Variants in RALGPS1 observed in about 807,000 individuals in gnomAD.
RALGPS1 encodes Ral GEF with PH domain and SH3 binding motif 1, also known as ras-specific guanine nucleotide-releasing factor RalGPS1.
A neutral mutation model predicts 78.8 loss-of-function variants in RALGPS1; 19 were observed. The ratio of observed to expected loss-of-function variants is 0.24; its 90% confidence interval spans 0.17 to 0.35. RALGPS1 has a LOEUF of 0.35. RALGPS1 is among the 10% of genes least tolerant of loss of function. RALGPS1 has a pLI of 1.00. For synonymous variants in RALGPS1, 228 were observed against 256.3 expected, an observed-to-expected ratio of 0.89 and a Z score of 1.06; for missense variants, 454 against 688.3, an observed-to-expected ratio of 0.66 and a Z score of 3.81.
intron 8 of RALGPS1, chr9:127,107,947 G>T (rs1387878578): frequency 2.6e-6 from 4 of 1,545,152 alleles, no homozygotes; most frequent in Non-Finnish European, 3.5e-6. Flanking sequence ...TGGGAGGCTG[G>T]TGAGAGTGGG....
At chr9:127,090,769 C>T (rs565088915) in intron 8 of RALGPS1, among the ~76,000 whole-genome samples, 2 of 152,310 alleles carry the variant, frequency 1.3e-5, no homozygotes, top group Admixed American at 6.5e-5. Context: ...GAGGCAGCAT[C>T]GGCCGTCAGG....
chr9:126,999,841 A>G (rs1588937001), intron 4 of RALGPS1, among the ~76,000 whole-genome samples: 1 of 152,248 alleles, frequency 6.6e-6, no homozygotes, highest in African/African-American at 2.4e-5. Flanking sequence ...GTAAATACCA[A>G]TGAGAGTGAT....
chr9:127,100,634 C>A (rs994852418), intron 8 of RALGPS1, among the ~76,000 whole-genome samples: 6 of 152,154 alleles, frequency 3.9e-5, no homozygotes, highest in Admixed American at 6.5e-5. Context: ...TAGAGGTGGG[C>A]AGTGCCCCAG....
At chr9:127,176,096 C>T (rs2059855958) in intron 11 of RALGPS1, among the ~76,000 whole-genome samples, 2 of 152,160 alleles carry the variant, frequency 1.3e-5, no homozygotes, top group African/African-American at 4.8e-5. Flanking sequence ...CTGGGGGCCT[C>T]TGATATCTTA....
At chr9:127,186,064 C>T (rs1402472013) in intron 11 of RALGPS1, among the ~76,000 whole-genome samples, 1 of 152,184 alleles carries the variant, frequency 6.6e-6, no homozygotes, top group Non-Finnish European at 1.5e-5. Flanking sequence ...TCATCCTGTC[C>T]ACTCCAAGGC....
At chr9:127,033,590 G>A (rs2046609722) in intron 4 of RALGPS1, among the ~76,000 whole-genome samples, 1 of 152,206 alleles carries the variant, frequency 6.6e-6, no homozygotes, top group Non-Finnish European at 1.5e-5. Flanking sequence ...TATAGGTGGA[G>A]AATTTCAGAA....
intron 14 of RALGPS1, chr9:127,210,813 CAT>C (rs752918025): frequency 1.3e-5 from 20 of 1,512,906 alleles, no homozygotes; most frequent in Non-Finnish European, 1.6e-5. Flanking sequence ...TTGTTTGACA[CAT>C]AGCTTGTTAT....
intron 4 of RALGPS1, among the ~76,000 whole-genome samples, chr9:127,010,159 C>T (rs770647793): frequency 3.3e-5 from 5 of 152,138 alleles, no homozygotes; most frequent in African/African-American, 1.2e-4. Context: ...GCCATCCTCA[C>T]GGGGCGGTGT....
chr9:126,987,080 C>T (rs2133064776), intron 4 of RALGPS1, among the ~76,000 whole-genome samples: 1 of 152,234 alleles, frequency 6.6e-6, no homozygotes, highest in Non-Finnish European at 1.5e-5. Context: ...TCAGATGATG[C>T]CTGTGCCGGA....
At chr9:127,005,619 AG>A (rs1564403375) in intron 4 of RALGPS1, among the ~76,000 whole-genome samples, 2 of 152,148 alleles carry the variant, frequency 1.3e-5, no homozygotes, top group African/African-American at 4.8e-5. Context: ...TCGACTACAC[AG>A]GAGTTCACTG....
chr9:127,222,563 G>GC lies in RALGPS1; in HGVS notation c.*3795dup, dbSNP rs1361067060. On this transcript the variant is annotated 3_prime_UTR_variant, in exon 19 of 19. Transcript: ENST00000259351. ...TGTACCATGGACTTCAGACCGCCTTGCAGCCGTATGCTGCACAAGCGTGTA... is the reference window on the plus strand; with the variant it reads ...TGTACCATGGACTTCAGACCGCCTTGCCAGCCGTATGCTGCACAAGCGTGTA... 3 of 152,364 alleles carry GC rather than the reference G, an allele frequency of 2.0e-5. No individual in the cohort carries two copies. Among genetic ancestry groups the GC allele is most frequent in the Admixed American group, 2.0e-4 (3 of 15,288 alleles). The allele number at this position is 152,364 out of a possible 1,614,324, so 9.4% of individuals were successfully genotyped here.
chr9:127,127,619 C>G (rs2056713373), intron 8 of RALGPS1, among the ~76,000 whole-genome samples: 1 of 152,194 alleles, frequency 6.6e-6, no homozygotes, highest in South Asian at 2.1e-4. Context: ...GTACTGTCCT[C>G]ACAAGCCCTG....
intron 8 of RALGPS1, chr9:127,107,970 A>T (rs1283778989): frequency 2.7e-5 from 43 of 1,569,510 alleles, no homozygotes; most frequent in Non-Finnish European, 3.5e-5. Flanking sequence ...TAGTGGGCAG[A>T]GGGGGTGGCA....
chr9:127,124,257 C>T (rs1029659892), intron 8 of RALGPS1, among the ~76,000 whole-genome samples: 3 of 152,234 alleles, frequency 2.0e-5, no homozygotes, highest in African/African-American at 7.2e-5. Flanking sequence ...AGCGCAGTCT[C>T]TACCCTGTTC....
chr9:126,963,802 G>A (rs1024324676), intron 2 of RALGPS1, among the ~76,000 whole-genome samples: 7 of 152,130 alleles, frequency 4.6e-5, no homozygotes, highest in Admixed American at 2.0e-4. Context: ...CTCTCGAGCC[G>A]GTGCTCCTAA....
chr9:127,061,073 A>G lies in RALGPS1; in HGVS notation c.483+8134A>G, dbSNP rs552140336. Among the ~76,000 whole-genome samples, 6 of 152,348 alleles carry G rather than the reference A, an allele frequency of 3.9e-5. No homozygotes were observed. The East Asian group carries it at 5.8e-4, about 15-fold the overall frequency. The stretch of plus-strand genomic sequence containing the variant: ...GTGTTTCTGAGAGAGACTTGCATCT[A>G]GGGATGTGGCACATGATGAAAGCTG... On this transcript the variant is annotated intron_variant, in intron 7 of 18. Transcript: ENST00000259351.
In RALGPS1 at chr9:127,052,836, C is replaced by A. The variant is rs766221601; in HGVS notation, c.391-11C>A. ...AGCAGCAAAATAATCTATTCCATAT[C>A]TTTTTTTCAGAAACTTCTAGAACTC... is the stretch of plus-strand genomic sequence containing the variant. On this transcript the variant is annotated splice_polypyrimidine_tract_variant and intron_variant, in intron 6 of 18. Coordinates refer to ENST00000259351, the MANE Select transcript of RALGPS1 (RefSeq NM_014636.3). 3.8e-5 allele frequency: 59 copies of A among 1,557,600 alleles called. No homozygotes were observed. Among genetic ancestry groups the A allele is most frequent in the Non-Finnish European group, 4.7e-5 (53 of 1,129,458 alleles).
At position 127,211,235 on chromosome 9, in the gene RALGPS1, G is replaced by A. The variant is rs1056332697; in HGVS notation, c.1248-896G>A. ...GAATGGTGGCTCAGATCTTAAAAGC[G>A]ACAGGAAGCCATGAAAGGGGCTTGC... On this transcript the variant is annotated intron_variant, in intron 14 of 18. Transcript: ENST00000259351. The surrounding 1 kb of genome is among the most constrained non-coding windows in gnomAD (Gnocchi z 5.0). 5.3e-5 allele frequency among the ~76,000 whole-genome samples: 8 copies of A among 152,128 alleles called. No homozygotes were observed. The highest frequency in any genetic ancestry group is 1.9e-4 in the African/African-American group (8 of 41,412).
At chr9:126,969,482 A>G (rs1386009682) in intron 3 of RALGPS1, among the ~76,000 whole-genome samples, 10 of 152,190 alleles carry the variant, frequency 6.6e-5, no homozygotes, top group Admixed American at 2.0e-4. Flanking sequence ...AGTGGCTACC[A>G]TATTGGACAG....
Sources: gnomAD v4.1 joint callset for allele counts (sites outside exome capture counted in the v4.1 genomes callset) on GRCh38, gnomAD v4.1.1 for gene constraint, Gnocchi (gnomAD v3.1) non-coding constraint, MANE v1.5 for transcripts, NCBI Gene and HGNC (gene_info 2026-07-23, HGNC 2026-07-21) for gene names.